Variants in TXNDC12 observed in about 807,000 individuals in gnomAD.
TXNDC12 encodes thioredoxin domain-containing protein 12.
In TXNDC12, 22 loss-of-function variants were observed where a neutral mutation model predicts 24.2. That is an observed-to-expected ratio of 0.91 (90% CI 0.65 to 1.30). The LOEUF (loss-of-function observed/expected upper bound fraction) is 1.30. TXNDC12 is among the 50% of genes most tolerant of loss of function. The pLI, the probability that TXNDC12 is intolerant of heterozygous loss-of-function variation, is 0.00. For synonymous variants in TXNDC12, 58 were observed against 73.4 expected (o/e 0.79, Z 1.07); for missense variants, 184 against 205.8 (o/e 0.89, Z 0.65).
At chr1:52,033,485 A>G in intron 2 of TXNDC12, 1 of 1,613,826 alleles carries the variant, frequency 6.2e-7, no homozygotes, top group Admixed American at 1.7e-5. Flanking sequence ...CGTGCCAGGC[A>G]GTAGAGCTCG....
chr1:52,024,141 C>G (rs555324549), intron 5 of TXNDC12, among the ~76,000 whole-genome samples: 2 of 151,992 alleles, frequency 1.3e-5, no homozygotes, highest in African/African-American at 4.8e-5. Context: ...ACTACAGGTG[C>G]GTGCCACCAC....
chr1:52,033,490 A>G (rs1427951170), intron 2 of TXNDC12: 1 of 1,613,850 alleles, frequency 6.2e-7, no homozygotes. Context: ...CAGGCAGTAG[A>G]GCTCGTAACG....
At chr1:52,033,105 G>C (rs771308718) in intron 2 of TXNDC12, 4 of 1,611,660 alleles carry the variant, frequency 2.5e-6, no homozygotes, top group East Asian at 2.2e-5. Context: ...TCCGAGAATC[G>C]GGAGCCTCAA....
At chr1:52,029,808 A>T (rs1009659468) in intron 2 of TXNDC12, among the ~76,000 whole-genome samples, 3 of 152,220 alleles carry the variant, frequency 2.0e-5, no homozygotes, top group Non-Finnish European at 4.4e-5. Context: ...ACCTCACCTT[A>T]GGCCTACCTC....
intron 1 of TXNDC12, among the ~76,000 whole-genome samples, chr1:52,047,690 C>T (rs1042078164): frequency 6.6e-6 from 1 of 152,008 alleles, no homozygotes; most frequent in East Asian, 1.9e-4. Flanking sequence ...ATTGCTTGAG[C>T]CCCGGAGTTT....
intron 1 of TXNDC12, among the ~76,000 whole-genome samples, chr1:52,046,864 A>ATAT (rs1553236777): frequency 1.8e-4 from 6 of 34,206 alleles, no homozygotes; most frequent in Admixed American, 4.2e-4. Context: ...AAAAAAAAAA[A>ATAT]AAATATATAT....
intron 2 of TXNDC12, chr1:52,033,349 G>T: frequency 1.2e-6 from 2 of 1,613,800 alleles, no homozygotes. Flanking sequence ...GTCCTCCTCA[G>T]CGCGTGGCCG....
At chr1:52,044,603 C>T (rs1157001646) in intron 1 of TXNDC12, among the ~76,000 whole-genome samples, 1 of 152,136 alleles carries the variant, frequency 6.6e-6, no homozygotes, top group East Asian at 1.9e-4. Flanking sequence ...CCACAAAATA[C>T]AGAAATAGCT....
chr1:52,038,894 T>C (rs1034361112), intron 2 of TXNDC12, among the ~76,000 whole-genome samples: 1 of 118,714 alleles, frequency 8.4e-6, no homozygotes, highest in Admixed American at 1.1e-4. Context: ...CTTTTTTTTT[T>C]CTTTTTCTGT....
intron 6 of TXNDC12, among the ~76,000 whole-genome samples, chr1:52,021,560 C>CAAA (rs901244160): frequency 2.2e-4 from 12 of 55,618 alleles, no homozygotes; most frequent in African/African-American, 3.8e-4. Flanking sequence ...GTTCTCAGGC[C>CAAA]AAAAAAAAAA....
chr1:52,042,848 C>G (rs1686020015), intron 1 of TXNDC12, among the ~76,000 whole-genome samples: 1 of 152,146 alleles, frequency 6.6e-6, no homozygotes, highest in Non-Finnish European at 1.5e-5. Flanking sequence ...TCTTGAACTC[C>G]CGACCTCAGG....
chr1:52,028,525 A>AG (rs1685706771), intron 3 of TXNDC12, 53 bp downstream of exon 3: 2 of 1,437,460 alleles, frequency 1.4e-6, no homozygotes, highest in East Asian at 4.6e-5. Flanking sequence ...GTTAAATGTT[A>AG]ATATTTAACA....
chr1:52,028,429 C>T, intron 3 of TXNDC12, 149 bp downstream of exon 3: 1 of 637,120 alleles, frequency 1.6e-6, no homozygotes, highest in Non-Finnish European at 2.7e-6. Context: ...TTGCAAATTT[C>T]ATGAAGGCAG....
chr1:52,055,838 G>A (rs1349654224), upstream of TXNDC12: 1 of 152,196 alleles, frequency 6.6e-6, no homozygotes, highest in East Asian at 1.9e-4. Context: ...GTGGACTTAG[G>A]ACACCAGGAT....
At chr1:52,023,649 C>T in intron 5 of TXNDC12, 75 bp from the exon 6 acceptor site, 4 of 1,141,598 alleles carry the variant, frequency 3.5e-6, no homozygotes, top group Non-Finnish European at 5.3e-6. Context: ...CCTGGTACAT[C>T]GGGCCCTCTG....
chr1:52,031,545 T>C (rs1685757350), intron 2 of TXNDC12, among the ~76,000 whole-genome samples: 1 of 151,370 alleles, frequency 6.6e-6, no homozygotes, highest in Non-Finnish European at 1.5e-5. Context: ...CAGGCTGGAG[T>C]GCAGTGGTGC....
chr1:52,020,963 G>A lies in TXNDC12; in HGVS notation c.489C>T (p.Phe163=), dbSNP rs768079372. The change falls in exon 7 of 7, where the codon TTC becomes TTT. Residue 163 remains phenylalanine (F), a synonymous_variant. Coordinates refer to ENST00000371626, the MANE Select transcript of TXNDC12 (RefSeq NM_015913.4). ...ATTCATCTTCAAGATGTTTCTTTCT[G>A]AAGGCATCACCCGTCAGCCTTTCCT... The part of the protein sequence containing the change: ...EAQERLTGDA[F]RKKHLEDEL The A allele has an allele frequency of 3.1e-6, 5 of 1,613,926 alleles. No homozygotes were observed. The highest frequency in any genetic ancestry group is 1.3e-5 in the African/African-American group (1 of 74,924).
In TXNDC12 at chr1:52,020,499, G is replaced by T. The variant is rs1335002293; in HGVS notation, c.*434C>A. The T allele has an allele frequency of 4.2e-6, 1 of 235,834 alleles. No individual in the cohort carries two copies. Among genetic ancestry groups the T allele is most frequent in the Non-Finnish European group, 8.3e-6 (1 of 120,804 alleles). The allele number at this position is 235,834 out of a possible 1,614,324, so 14.6% of individuals were successfully genotyped here. Reference sequence around the variant, plus strand: ...CTTAGGATTTATTGTTATTGTTGTTGTTGTTGTTTTTTAATGATAAGCTAC... The same window carrying T: ...CTTAGGATTTATTGTTATTGTTGTTTTTGTTGTTTTTTAATGATAAGCTAC... On this transcript the variant is annotated 3_prime_UTR_variant, in exon 7 of 7. Coordinates refer to ENST00000371626, the MANE Select transcript of TXNDC12 (RefSeq NM_015913.4).
In TXNDC12 at chr1:52,020,263, A is replaced by G. The variant is rs1571995277; in HGVS notation, c.*670T>C. 9.0e-6 allele frequency: 3 copies of G among 333,968 alleles called. No homozygotes were observed. The highest frequency in any genetic ancestry group is 7.4e-5 in the Admixed American group (2 of 27,096). The allele number at this position is 333,968 out of a possible 1,614,324, so 20.7% of individuals were successfully genotyped here. On this transcript the variant is annotated 3_prime_UTR_variant, in exon 7 of 7. Transcript: ENST00000371626. ...AGGGCTTGAAGGTTTGAGTTTCTCC[A>G]ACAGTAACAAGGGAAAGCATGCTTC...
Sources: allele counts gnomAD v4.1 joint callset (sites outside exome capture counted in the v4.1 genomes callset), GRCh38; gene constraint gnomAD v4.1.1; transcripts MANE v1.5; gene names NCBI Gene and HGNC (gene_info 2026-07-23, HGNC 2026-07-21).